The following USP39 variants were observed in gnomAD, a reference collection of about 807,000 sequenced individuals.
USP39 encodes the protein ubiquitin carboxyl-terminal hydrolase 39.
USP39 carries 38 observed loss-of-function variants against 66.4 expected under a neutral mutation model. The observed-to-expected ratio is 0.57, with a 90% CI of 0.44 to 0.75. USP39 has a LOEUF of 0.75. Among genes scored for constraint, USP39 ranks in the 30% least tolerant of loss-of-function variants. USP39 has a pLI of 0.00. For synonymous variants in USP39, 303 were observed against 274.6 expected (o/e 1.10, Z -1.02); for missense variants, 608 against 714.4 (o/e 0.85, Z 1.70).
chr2:85,620,492 C>T (rs953038279), intron 2 of USP39, among the ~76,000 whole-genome samples: 3 of 151,484 alleles, frequency 2.0e-5, no homozygotes, highest in African/African-American at 7.3e-5. Flanking sequence ...AAAAAAAAAC[C>T]AAAAAAGTTA....
chr2:85,611,573 C>T, upstream of USP39: 1 of 1,551,134 alleles, frequency 6.4e-7, no homozygotes, highest in Non-Finnish European at 8.7e-7. Context: ...ATGAGCTGAA[C>T]CTTAGGAGTA....
chr2:85,617,927 A>G (rs1674121193), intron 1 of USP39, among the ~76,000 whole-genome samples: 1 of 151,522 alleles, frequency 6.6e-6, no homozygotes, highest in African/African-American at 2.4e-5. Flanking sequence ...GTTTTTGACA[A>G]GTGGTAGATT....
At chr2:85,636,290 A>C (rs558574712) in intron 7 of USP39, among the ~76,000 whole-genome samples, 160 bp downstream of exon 7, 61 of 152,266 alleles carry the variant, frequency 4.0e-4, no homozygotes, top group Non-Finnish European at 6.8e-4. Context: ...CAACATGGCG[A>C]AACCCCATCT....
upstream of USP39, chr2:85,608,848 TCAGA>T (rs1673320072): frequency 1.5e-5 from 23 of 1,525,218 alleles, no homozygotes; most frequent in Non-Finnish European, 2.1e-5. Flanking sequence ...GGTCTCAAGA[TCAGA>T]CAAACTGGTC....
At chr2:85,622,083 G>A (rs1317858069) in intron 3 of USP39, among the ~76,000 whole-genome samples, 2 of 151,634 alleles carry the variant, frequency 1.3e-5, no homozygotes, top group Non-Finnish European at 2.9e-5. Flanking sequence ...GCCTCCCACA[G>A]TGCTGGGATT....
At chr2:85,640,291 C>CT (rs763669112) in intron 9 of USP39, among the ~76,000 whole-genome samples, 225 of 141,880 alleles carry the variant, frequency 1.6e-3, no homozygotes, top group Admixed American at 2.6e-3. Flanking sequence ...GGGAGACATA[C>CT]TTTTTTTTTT....
At chr2:85,613,077 C>T (rs192437130), upstream of USP39, among the ~76,000 whole-genome samples, 327 of 151,854 alleles carry the variant, frequency 2.2e-3, 1 homozygote, top group Admixed American at 5.1e-3. Context: ...CAGGGACAAA[C>T]GGCTGGATGC....
At chr2:85,645,219 TA>T (rs1676550431) in intron 11 of USP39, 136 bp downstream of exon 11, 15 of 1,232,802 alleles carry the variant, frequency 1.2e-5, no homozygotes, top group Non-Finnish European at 1.7e-5. Context: ...GTGCTGTCAG[TA>T]GTTAGTTTAA....
At chr2:85,619,860 C>CT (rs1371142883) in intron 2 of USP39, among the ~76,000 whole-genome samples, 2,527 of 145,844 alleles carry the variant, frequency 0.017, 67 homozygotes, top group African/African-American at 0.059. Context: ...TGAGACCCAT[C>CT]TTTTTTTTTT....
At chr2:85,644,810 T>A (rs1676517040) in intron 10 of USP39, 138 bp from the exon 11 acceptor site, 1 of 1,151,444 alleles carries the variant, frequency 8.7e-7, no homozygotes, top group African/African-American at 1.6e-5. Flanking sequence ...CACCTGGACC[T>A]TCTTGACTCT....
intron 5 of USP39, 112 bp downstream of exon 5, chr2:85,625,803 G>A: frequency 1.5e-6 from 2 of 1,371,030 alleles, no homozygotes; most frequent in Non-Finnish European, 2.0e-6. Context: ...CGGATTGCCT[G>A]AGGTCAAGAG....
chr2:85,611,936 C>T, upstream of USP39: 1 of 1,585,838 alleles, frequency 6.3e-7, no homozygotes, highest in South Asian at 1.1e-5. Context: ...TCCAGCCGCC[C>T]CCCAGGCTTG....
chr2:85,619,346 GT>G (rs1466957070), intron 2 of USP39, 57 bp downstream of exon 2: 6 of 1,573,930 alleles, frequency 3.8e-6, no homozygotes, highest in Non-Finnish European at 5.2e-6. Context: ...TGTGCAGAAA[GT>G]TTTTGGACTG....
chr2:85,636,169 C>T (rs1378934837), intron 7 of USP39, 39 bp downstream of exon 7: 14 of 1,600,956 alleles, frequency 8.7e-6, no homozygotes, highest in Non-Finnish European at 1.2e-5. Context: ...ATTTTGTTCC[C>T]TTTTAAAAAA....
At chr2:85,630,616 T>G in intron 5 of USP39, 105 bp from the exon 6 acceptor site, 1 of 1,126,464 alleles carries the variant, frequency 8.9e-7, no homozygotes, top group Non-Finnish European at 1.3e-6. Context: ...TTTAAGGCCA[T>G]CACAGGCACA....
At chr2:85,640,500 G>C (rs770826344) in intron 9 of USP39, among the ~76,000 whole-genome samples, 43 of 151,730 alleles carry the variant, frequency 2.8e-4, no homozygotes, top group Non-Finnish European at 5.0e-4. Context: ...TGTTGGCCAG[G>C]CTGGTCTCGA....
At position 85,630,598 on chromosome 2, in the gene USP39, T is replaced by G. The variant is rs1026558074; in HGVS notation, c.724-123T>G. 5.9e-6 allele frequency: 5 copies of G among 843,898 alleles called. No homozygotes were observed. The Admixed American group carries it at 1.3e-4, about 23-fold the overall frequency. The allele number at this position is 843,898 out of a possible 1,614,324, so 52.3% of individuals were successfully genotyped here. On this transcript the variant is annotated intron_variant, in intron 5 of 12. Transcript: ENST00000323701. ...AGGATTCTCCAAGGGTCCATTTACTTTTGGCTCTTTAAGGCCATCACAGGC... is the reference window on the plus strand; with the variant it reads ...AGGATTCTCCAAGGGTCCATTTACTGTTGGCTCTTTAAGGCCATCACAGGC...
In USP39 at chr2:85,616,220, TCTCGCGGTTCCA is replaced by T. The variant is rs1218286302; in HGVS notation, c.33_44del (p.Ser12_Gly15del). The T allele has an allele frequency of 6.2e-6, 9 of 1,453,584 alleles. No individual in the cohort carries two copies. The highest frequency in any genetic ancestry group is 8.2e-6 in the Non-Finnish European group (9 of 1,094,884). 90.0% of individuals were successfully genotyped at this position (1,453,584 alleles called of 1,614,324 possible). On this transcript the variant is annotated inframe_deletion, in exon 1 of 13. Coordinates refer to ENST00000323701, the MANE Select transcript of USP39 (RefSeq NM_006590.4). ...GATGTCCGGCCGGTCTAAGCGGGAG[TCTCGCGGTTCCA>T]CTCGCGGGAAGCGAGAGTCTGAGTC...
chr2:85,629,073 G>A (rs1055417163), intron 5 of USP39, among the ~76,000 whole-genome samples: 4 of 151,614 alleles, frequency 2.6e-5, no homozygotes, highest in African/African-American at 9.7e-5. Context: ...GTTTTGTTTT[G>A]TTTTTTTGAG....
Sources: allele counts gnomAD v4.1 joint callset (sites outside exome capture counted in the v4.1 genomes callset), GRCh38; gene constraint gnomAD v4.1.1; transcripts MANE v1.5; gene names NCBI Gene and HGNC (gene_info 2026-07-23, HGNC 2026-07-21).